Variants in FAM107B observed in about 807,000 individuals in gnomAD.
FAM107B encodes protein FAM107B.
A neutral mutation model predicts 31.5 loss-of-function variants in FAM107B; 21 were observed. That is an observed-to-expected ratio of 0.67 (90% CI 0.47 to 0.96). The LOEUF (loss-of-function observed/expected upper bound fraction) is 0.96. Ranked by LOEUF, FAM107B falls within the 40% of genes least tolerant of loss-of-function variation. The pLI, the probability that FAM107B is intolerant of heterozygous loss-of-function variation, is 0.00. For missense variants in FAM107B, 452 were observed against 377.1 expected, an observed-to-expected ratio of 1.20 and a Z score of -1.64; for synonymous variants, 157 against 141.5, an observed-to-expected ratio of 1.11 and a Z score of -0.78.
intron 1 of FAM107B, among the ~76,000 whole-genome samples, chr10:14,704,468 G>T (rs537806790): frequency 6.6e-6 from 1 of 152,126 alleles, no homozygotes; most frequent in Non-Finnish European, 1.5e-5. Flanking sequence ...TCAAAAAGGT[G>T]GGTCTACCCA....
intron 2 of FAM107B, among the ~76,000 whole-genome samples, chr10:14,613,945 A>G (rs1852787847): frequency 1.3e-5 from 2 of 152,162 alleles, no homozygotes; most frequent in Non-Finnish European, 2.9e-5. Context: ...AGCCTGGGCA[A>G]CATGGTGAAA....
At chr10:14,700,281 G>A (rs1365744888) in intron 1 of FAM107B, among the ~76,000 whole-genome samples, 2 of 152,132 alleles carry the variant, frequency 1.3e-5, no homozygotes, top group Non-Finnish European at 2.9e-5. Flanking sequence ...TGCAGGGAGA[G>A]TGGCGAACTA....
intron 1 of FAM107B, among the ~76,000 whole-genome samples, chr10:14,741,404 C>G (rs1428392345): frequency 6.6e-6 from 1 of 152,146 alleles, no homozygotes; most frequent in Non-Finnish European, 1.5e-5. Context: ...AGAGGAGCCC[C>G]GTGTTTTAGG....
intron 1 of FAM107B, among the ~76,000 whole-genome samples, chr10:14,736,776 A>G (rs1258589490): frequency 6.6e-6 from 1 of 152,232 alleles, no homozygotes; most frequent in Admixed American, 6.5e-5. Flanking sequence ...TTATTTCAGC[A>G]CATTCGACAG....
chr10:14,536,103 A>G (rs1172880586), intron 2 of FAM107B, among the ~76,000 whole-genome samples: 2 of 152,254 alleles, frequency 1.3e-5, no homozygotes, highest in South Asian at 2.1e-4. Flanking sequence ...CCATGTCTGC[A>G]TATTTCTACA....
chr10:14,635,295 C>A (rs1291824855), intron 2 of FAM107B, among the ~76,000 whole-genome samples: 1 of 152,160 alleles, frequency 6.6e-6, no homozygotes, highest in East Asian at 1.9e-4. Flanking sequence ...GCCCTAAATT[C>A]TCCACAGGAA....
In FAM107B at chr10:14,680,357, T is replaced by A. The variant is rs552809262; in HGVS notation, c.412-12666A>T. 1.1e-4 allele frequency among the ~76,000 whole-genome samples: 17 copies of A among 152,112 alleles called. 1 individual carries two copies. The highest frequency in any genetic ancestry group is 2.1e-4 in the Non-Finnish European group (14 of 68,022). ...GGGAGGCTGAGGCAGGCACATCACC[T>A]GAGGTCAGGAGTTCGAGACCAGCCA... On this transcript the variant is annotated intron_variant, in intron 1 of 4. Coordinates refer to ENST00000181796, the MANE Select transcript of FAM107B (RefSeq NM_031453.4).
intron 1 of FAM107B, among the ~76,000 whole-genome samples, chr10:14,762,422 G>A (rs1252384985): frequency 1.3e-5 from 2 of 152,174 alleles, no homozygotes; most frequent in African/African-American, 4.8e-5. Context: ...ATTAGCATAA[G>A]AGACTTGGGA....
At chr10:14,730,533 C>A (rs1001645113) in intron 1 of FAM107B, among the ~76,000 whole-genome samples, 24 of 152,304 alleles carry the variant, frequency 1.6e-4, no homozygotes, top group African/African-American at 5.5e-4. Flanking sequence ...TGAGAGAATG[C>A]AGAGATGAGG....
intron 1 of FAM107B, among the ~76,000 whole-genome samples, chr10:14,737,252 G>A (rs758184643): frequency 4.6e-5 from 7 of 151,954 alleles, no homozygotes; most frequent in Admixed American, 1.3e-4. Context: ...ATGATATGGG[G>A]AGAAAAAGGA....
chr10:14,698,124 CAA>C (rs112261656), intron 1 of FAM107B, among the ~76,000 whole-genome samples: 2 of 138,108 alleles, frequency 1.4e-5, no homozygotes, highest in Non-Finnish European at 1.6e-5. Flanking sequence ...GACTCCATCT[CAA>C]AAAAAAAAAA....
intron 2 of FAM107B, chr10:14,554,161 C>G (rs777209273): frequency 1.0e-6 from 1 of 985,300 alleles, no homozygotes; most frequent in Non-Finnish European, 1.2e-6. Context: ...TAGAAATGGG[C>G]TTTTTCTTTA....
At chr10:14,651,259 G>A (rs567444328) in intron 2 of FAM107B, among the ~76,000 whole-genome samples, 1 of 152,146 alleles carries the variant, frequency 6.6e-6, no homozygotes, top group African/African-American at 2.4e-5. Context: ...TCTGGCTAAA[G>A]AATATGAATA....
At chr10:14,730,433 G>A (rs1357334654) in intron 1 of FAM107B, among the ~76,000 whole-genome samples, 3 of 152,210 alleles carry the variant, frequency 2.0e-5, no homozygotes, top group South Asian at 2.1e-4. Context: ...GCAGATAAAG[G>A]TGTCAGGGCA....
At chr10:14,691,825 C>A (rs1221821477) in intron 1 of FAM107B, among the ~76,000 whole-genome samples, 1 of 144,464 alleles carries the variant, frequency 6.9e-6, no homozygotes, top group African/African-American at 2.6e-5. Flanking sequence ...ACCTGGGAAG[C>A]GGAGGTTGCA....
At chr10:14,738,450 A>G (rs1469225887) in intron 1 of FAM107B, among the ~76,000 whole-genome samples, 1 of 152,224 alleles carries the variant, frequency 6.6e-6, no homozygotes, top group Non-Finnish European at 1.5e-5. Context: ...CCTCCTGACC[A>G]CAGTCTAGGC....
chr10:14,717,311 T>C (rs375371462), intron 1 of FAM107B, among the ~76,000 whole-genome samples: 26 of 151,842 alleles, frequency 1.7e-4, no homozygotes, highest in African/African-American at 5.6e-4. Context: ...ATCAGATCGG[T>C]GTGTGTGTAA....
At chr10:14,604,125 G>A (rs1449052550) in intron 2 of FAM107B, 1 of 186,482 alleles carries the variant, frequency 5.4e-6, no homozygotes, top group Non-Finnish European at 9.4e-6. Flanking sequence ...CCCCCCACCC[G>A]CCCGGCCGCC....
chr10:14,594,094 G>C (rs1299867915), intron 2 of FAM107B, among the ~76,000 whole-genome samples: 1 of 152,210 alleles, frequency 6.6e-6, no homozygotes, highest in East Asian at 1.9e-4. Flanking sequence ...ACATAATTAT[G>C]TGTTTTTAAT....
Sources: gnomAD v4.1 joint callset for allele counts (sites outside exome capture counted in the v4.1 genomes callset) on GRCh38, gnomAD v4.1.1 for gene constraint, MANE v1.5 for transcripts, NCBI Gene and HGNC (gene_info 2026-07-23, HGNC 2026-07-21) for gene names.